ACSL4: variants seen among roughly 807,000 people sequenced by gnomAD.
The protein encoded by ACSL4 is acyl-CoA synthetase long chain family member 4, also known as long-chain-fatty-acid--CoA ligase 4.
ACSL4 carries 9 observed loss-of-function variants against 49.1 expected under a neutral mutation model. The observed-to-expected ratio is 0.18, with a 90% CI of 0.11 to 0.32. ACSL4 has a LOEUF of 0.32. Among genes scored for constraint, ACSL4 ranks in the 10% least tolerant of loss-of-function variants. The probability of loss-of-function intolerance (pLI) is 1.00; values close to 1 mark genes in which losing one functional copy is unlikely to be tolerated. For missense variants in ACSL4, 333 were observed against 493.7 expected (o/e 0.67, Z 3.08); for synonymous variants, 191 against 170.3 (o/e 1.12, Z -0.95).
chrX:109,660,520 T>C (rs781369323), intron 14 of ACSL4, among the ~76,000 whole-genome samples: 4 of 111,882 alleles, frequency 3.6e-5, no homozygotes, highest in South Asian at 3.7e-4. Context: ...GAAAACAGTA[T>C]TGCAGTTCCT....
intron 1 of ACSL4, among the ~76,000 whole-genome samples, chrX:109,697,718 G>C (rs1365448606): frequency 1.0e-5 from 1 of 95,960 alleles, no homozygotes; most frequent in Non-Finnish European, 2.1e-5. Context: ...CATGGGGGGG[G>C]GGGCGCGGGG....
intron 15 of ACSL4, among the ~76,000 whole-genome samples, chrX:109,653,338 A>C (rs889470848): frequency 1.6e-4 from 18 of 111,512 alleles, no homozygotes; most frequent in Admixed American, 5.7e-4. Flanking sequence ...AAATAGGAAC[A>C]CTTTTACACT....
intron 10 of ACSL4, among the ~76,000 whole-genome samples, 185 bp downstream of exon 10, chrX:109,668,849 C>T (rs1277740760): frequency 9.1e-6 from 1 of 110,162 alleles, no homozygotes; most frequent in Non-Finnish European, 1.9e-5. Context: ...TGTTAAATTG[C>T]CAAGATCAGA....
intron 15 of ACSL4, among the ~76,000 whole-genome samples, chrX:109,655,682 A>G (rs1603400535): frequency 9.0e-6 from 1 of 111,077 alleles, no homozygotes; most frequent in East Asian, 2.8e-4. Context: ...GCAAGTATGC[A>G]CAATGATAAA....
intron 1 of ACSL4, among the ~76,000 whole-genome samples, chrX:109,725,363 G>A (rs1033863483): frequency 1.8e-5 from 2 of 110,128 alleles, no homozygotes; most frequent in African/African-American, 6.6e-5. Context: ...ACAAGCATGA[G>A]CCACCATGCC....
intron 11 of ACSL4, among the ~76,000 whole-genome samples, chrX:109,667,345 C>T (rs1922747650): frequency 8.9e-6 from 1 of 112,345 alleles, no homozygotes; most frequent in African/African-American, 3.2e-5. Flanking sequence ...GCAATGCATA[C>T]AACAGCCCTC....
At chrX:109,663,516 G>T in intron 12 of ACSL4, 114 bp from the exon 13 acceptor site, 1 of 651,484 alleles carries the variant, frequency 1.5e-6, no homozygotes. Flanking sequence ...CACTTTATGA[G>T]AGAACATTAG....
chrX:109,700,287 T>C (rs1316014469), intron 1 of ACSL4, among the ~76,000 whole-genome samples: 2 of 107,901 alleles, frequency 1.9e-5, no homozygotes, highest in Non-Finnish European at 3.8e-5. Context: ...CCAAGCACTC[T>C]GGGAGGCCAA....
At chrX:109,680,958 T>C (rs762586968) in intron 6 of ACSL4, 40 bp downstream of exon 6, 1 of 1,192,869 alleles carries the variant, frequency 8.4e-7, no homozygotes, top group Admixed American at 2.2e-5. Context: ...ATAACAAACT[T>C]GGAATAGGTA....
At chrX:109,693,116 G>C (rs1487603862) in intron 2 of ACSL4, among the ~76,000 whole-genome samples, 7 of 111,342 alleles carry the variant, frequency 6.3e-5, no homozygotes, top group Non-Finnish European at 7.5e-5. Flanking sequence ...AGCTTAATAG[G>C]TTAGTTTGTC....
Position 109,668,157 on chromosome X carries a change from G to A in ACSL4, c.1259C>T (p.Pro420Leu). ...TGTCAGTCCATAACCCTGGCCAATT[G>A]GGCAGCAGAAGCAGACATTCATGAA... ...HRFMNVCFCC[P>L]IGQGYGLTES... The change falls in exon 11 of 16, where the codon CCA becomes CTA. Residue 420 changes from proline to leucine, a missense_variant. Around this residue, in one of 3 missense-constraint regions of ACSL4, gnomAD observed 175 missense variants for 275.8 expected, o/e 0.63. Coordinates refer to ENST00000672401, the MANE Select transcript of ACSL4 (RefSeq NM_001318510.2). 1.7e-6 allele frequency: 2 copies of A among 1,209,457 alleles called. No homozygotes were observed. Among genetic ancestry groups the A allele is most frequent in the Non-Finnish European group, 2.2e-6 (2 of 893,460 alleles).
chrX:109,652,646 T>A (rs931426767), intron 15 of ACSL4, among the ~76,000 whole-genome samples: 2 of 111,573 alleles, frequency 1.8e-5, no homozygotes, highest in African/African-American at 6.5e-5. Flanking sequence ...TGAAATGCTA[T>A]ACTTAAATAC....
At chrX:109,674,380 C>G (rs760689723) in intron 9 of ACSL4, 22 bp downstream of exon 9, 1 of 1,142,229 alleles carries the variant, frequency 8.8e-7, no homozygotes, top group Non-Finnish European at 1.2e-6. Context: ...CTCTTATGTT[C>G]ATATTCATAT....
In ACSL4 at chrX:109,667,176, GA is replaced by G. The variant is rs772223829; in HGVS notation, c.1315+924del. The stretch of plus-strand genomic sequence containing the variant: ...ATTTTGGACACAATGAGTTTAAAGC[GA>G]AAATAAGATTATCCAAAAAAACAAT... On this transcript the variant is annotated intron_variant, in intron 11 of 15. Transcript: ENST00000672401. Among the ~76,000 whole-genome samples the G allele has an allele frequency of 8.0e-5, 9 of 112,286 alleles. No individual in the cohort carries two copies. The East Asian group carries it at 2.5e-3, about 31-fold the overall frequency.
Position 109,712,217 on chromosome X carries a change from G to A in ACSL4, c.-65-16021C>T, listed in dbSNP as rs193268389. On this transcript the variant is annotated intron_variant, in intron 1 of 15. Coordinates refer to ENST00000672401, the MANE Select transcript of ACSL4 (RefSeq NM_001318510.2). ...GGGATCAAGCAAGCTTCCCACCTCA[G>A]CCTCCTGAGTAGCTGGGCCTACAGG... 2.7e-5 allele frequency among the ~76,000 whole-genome samples: 3 copies of A among 111,629 alleles called. No individual in the cohort carries two copies. In the East Asian group the frequency reaches 8.4e-4, roughly 31 times the overall value.
chrX:109,713,029 A>T (rs1402929924), intron 1 of ACSL4, among the ~76,000 whole-genome samples: 3 of 105,289 alleles, frequency 2.8e-5, no homozygotes, highest in African/African-American at 7.0e-5. Context: ...AGAGAAGGGA[A>T]GAAAGGGAGA....
chrX:109,724,906 C>T (rs1210071445), intron 1 of ACSL4, among the ~76,000 whole-genome samples: 5 of 108,220 alleles, frequency 4.6e-5, no homozygotes, highest in African/African-American at 1.3e-4. Flanking sequence ...AGCGAGATTC[C>T]GTCTCAATAA....
intron 1 of ACSL4, among the ~76,000 whole-genome samples, chrX:109,723,809 A>G (rs941945008): frequency 8.9e-6 from 1 of 112,740 alleles, no homozygotes; most frequent in African/African-American, 3.2e-5. Flanking sequence ...ATTCTTCAGC[A>G]AAGAGTTATA....
chrX:109,704,407 CTAA>C (rs1312641810), intron 1 of ACSL4, among the ~76,000 whole-genome samples: 1 of 74,815 alleles, frequency 1.3e-5, no homozygotes, highest in African/African-American at 4.4e-5. Context: ...CCAATCTTAG[CTAA>C]TAATTCTATT....
Sources: gnomAD v4.1 joint callset for allele counts (sites outside exome capture counted in the v4.1 genomes callset) on GRCh38, gnomAD v4.1.1 for gene constraint, gnomAD v4.1.1 regional missense constraint, MANE v1.5 for transcripts, NCBI Gene and HGNC (gene_info 2026-07-23, HGNC 2026-07-21) for gene names.